SEL1L3: variants seen among roughly 807,000 people sequenced by gnomAD.
SEL1L3 encodes the protein SEL1L family member 3, also known as protein sel-1 homolog 3.
In SEL1L3, 76 loss-of-function variants were observed where a neutral mutation model predicts 142.8. That is an observed-to-expected ratio of 0.53 (90% confidence interval 0.44 to 0.64). The LOEUF is 0.64. SEL1L3 is among the 30% of genes least tolerant of loss of function. SEL1L3 has a pLI of 0.00. For synonymous variants in SEL1L3, 504 were observed against 519.6 expected (o/e 0.97, Z 0.41); for missense variants, 1,262 against 1,381.7 (o/e 0.91, Z 1.37).
intron 23 of SEL1L3, among the ~76,000 whole-genome samples, chr4:25,751,863 C>A (rs915579280): frequency 6.6e-6 from 1 of 150,916 alleles, no homozygotes. Flanking sequence ...GTAATCCCAG[C>A]ACTTTGGGAG....
intron 23 of SEL1L3, among the ~76,000 whole-genome samples, chr4:25,757,097 G>A (rs150209419): frequency 5.9e-4 from 89 of 151,868 alleles, no homozygotes; most frequent in Middle Eastern, 3.4e-3. Flanking sequence ...GTGAAACCCC[G>A]TCTCTACTAA....
intron 2 of SEL1L3, among the ~76,000 whole-genome samples, chr4:25,838,523 G>A (rs549315951): frequency 5.6e-4 from 85 of 152,320 alleles, no homozygotes; most frequent in Non-Finnish European, 1.1e-3. Context: ...CTTCTCACAA[G>A]TCCTCCCAGA....
intron 2 of SEL1L3, among the ~76,000 whole-genome samples, chr4:25,843,901 C>T (rs1716335595): frequency 6.6e-6 from 1 of 152,268 alleles, no homozygotes; most frequent in Non-Finnish European, 1.5e-5. Context: ...CCTCGGGAGC[C>T]TTGGCAAAGC....
At chr4:25,726,780 T>C in the SEL1L3 span, among the ~76,000 whole-genome samples, 1 of 97,534 alleles carries the variant, frequency 1.0e-5, no homozygotes, top group Non-Finnish European at 2.2e-5. Context: ...TAAGTACTAT[T>C]TTTTCGCCTA....
At chr4:25,736,470 C>G in the SEL1L3 span, among the ~76,000 whole-genome samples, 2 of 151,994 alleles carry the variant, frequency 1.3e-5, no homozygotes, top group African/African-American at 4.8e-5. Flanking sequence ...GTGATCCACC[C>G]TCCTCGGCCT....
At chr4:25,776,662 C>T (rs1719653610) in intron 16 of SEL1L3, 1 of 243,494 alleles carries the variant, frequency 4.1e-6, no homozygotes, top group Non-Finnish European at 8.1e-6. Context: ...TTCTAGTACT[C>T]TATTAAGTCA....
intron 23 of SEL1L3, among the ~76,000 whole-genome samples, chr4:25,754,015 AAAT>A (rs1448315117): frequency 3.4e-5 from 5 of 148,000 alleles, no homozygotes; most frequent in African/African-American, 1.0e-4. Context: ...ATAAATAAAT[AAAT>A]AAGGTCAGTT....
chr4:25,786,857 A>C (rs1711878589), intron 13 of SEL1L3, among the ~76,000 whole-genome samples: 1 of 152,216 alleles, frequency 6.6e-6, no homozygotes, highest in South Asian at 2.1e-4. Context: ...AACAACCAAT[A>C]GGTTTTCAGG....
intron 11 of SEL1L3, among the ~76,000 whole-genome samples, chr4:25,800,469 C>G (rs1286153376): frequency 6.6e-6 from 1 of 152,190 alleles, no homozygotes; most frequent in Non-Finnish European, 1.5e-5. Context: ...GCAATCATAA[C>G]ATTTCATATG....
intron 6 of SEL1L3, among the ~76,000 whole-genome samples, chr4:25,827,621 G>C (rs974041202): frequency 6.6e-6 from 1 of 152,164 alleles, no homozygotes; most frequent in African/African-American, 2.4e-5. Flanking sequence ...TGCAATCCCT[G>C]AGCTTTCTGG....
At chr4:25,766,009 CA>C (rs1718701884) in intron 19 of SEL1L3, among the ~76,000 whole-genome samples, 1 of 152,172 alleles carries the variant, frequency 6.6e-6, no homozygotes, top group Admixed American at 6.6e-5. Context: ...CCTTGCTGCC[CA>C]AATCAGCCAA....
chr4:25,723,984 G>A, the SEL1L3 span, among the ~76,000 whole-genome samples: 20 of 152,222 alleles, frequency 1.3e-4, no homozygotes, highest in African/African-American at 4.6e-4. Flanking sequence ...GCTTTCACAA[G>A]AGGAATGAGG....
intron 15 of SEL1L3, 98 bp from the exon 16 acceptor site, chr4:25,779,301 C>A: frequency 7.6e-7 from 1 of 1,319,968 alleles, no homozygotes; most frequent in Non-Finnish European, 1.0e-6. Flanking sequence ...TGATTACAGG[C>A]TTATAACTTC....
the SEL1L3 span, among the ~76,000 whole-genome samples, chr4:25,740,042 C>G: frequency 6.6e-6 from 1 of 151,724 alleles, no homozygotes; most frequent in Admixed American, 6.6e-5. Flanking sequence ...AAGTGATCCT[C>G]CCCGCTCAGC....
chr4:25,797,753 G>A (rs1005468658), intron 11 of SEL1L3, among the ~76,000 whole-genome samples: 6 of 152,184 alleles, frequency 3.9e-5, no homozygotes, highest in Admixed American at 6.5e-5. Flanking sequence ...AACACTGAGC[G>A]CCAACTATGT....
downstream of SEL1L3, among the ~76,000 whole-genome samples, chr4:25,745,529 G>T (rs928021849): frequency 6.6e-6 from 1 of 152,084 alleles, no homozygotes; most frequent in Non-Finnish European, 1.5e-5. Context: ...TGAGGCAAGG[G>T]ACCTTTGTTT....
intron 23 of SEL1L3, chr4:25,756,608 A>G: frequency 1.1e-6 from 1 of 950,958 alleles, no homozygotes; most frequent in Non-Finnish European, 1.3e-6. Flanking sequence ...TCATACAGCT[A>G]ATGAGTAGCC....
Position 25,748,160 on chromosome 4 carries a change from A to T in SEL1L3, c.*265T>A, listed in dbSNP as rs907757878. On this transcript the variant is annotated 3_prime_UTR_variant, in exon 24 of 24. Coordinates refer to ENST00000399878, the MANE Select transcript of SEL1L3 (RefSeq NM_015187.5). ...TAATACATACAATCACTAGAACAAA[A>T]GTCTGTGATGGCCCAGTAAACTTCC... The T allele has an allele frequency of 2.2e-6, 1 of 452,766 alleles. No homozygotes were observed. The highest frequency in any genetic ancestry group is 2.0e-5 in the African/African-American group (1 of 50,814). The allele number at this position is 452,766 out of a possible 1,614,324, so 28.0% of individuals were successfully genotyped here.
chr4:25,714,346 A>C, the SEL1L3 span, among the ~76,000 whole-genome samples: 2 of 151,444 alleles, frequency 1.3e-5, no homozygotes, highest in African/African-American at 2.5e-5. Flanking sequence ...CAGGGAACTC[A>C]GAAATAGAGC....
Sources: gnomAD v4.1 joint callset for allele counts (sites outside exome capture counted in the v4.1 genomes callset) on GRCh38, gnomAD v4.1.1 for gene constraint, MANE v1.5 for transcripts, NCBI Gene and HGNC (gene_info 2026-07-23, HGNC 2026-07-21) for gene names.